The following FGGY variants were observed in gnomAD, a reference collection of about 807,000 sequenced individuals.
FGGY encodes the protein FGGY carbohydrate kinase domain containing, also known as FGGY carbohydrate kinase domain-containing protein.
In FGGY, 72 loss-of-function variants were observed where a neutral mutation model predicts 71.3. The ratio of observed to expected loss-of-function variants is 1.01; its 90% confidence interval spans 0.84 to 1.23. The LOEUF is 1.23. Ranked by LOEUF, FGGY falls within the 50% of genes most tolerant of loss-of-function variation. The pLI is 0.00. For missense variants in FGGY, 668 were observed against 682.3 expected, an observed-to-expected ratio of 0.98 and a Z score of 0.23; for synonymous variants, 251 against 250.3, an observed-to-expected ratio of 1.00 and a Z score of -0.02.
At position 59,623,688 on chromosome 1, in the gene FGGY, C is replaced by G. The variant is rs140328780; in HGVS notation, c.1012-2300C>G. On this transcript the variant is annotated intron_variant, in intron 9 of 15. Transcript: ENST00000303721. ...TCCAAACTCTACCTATTTATGGCCT[C>G]TCAGCTGAAGCTTCACCTACTCCAA... is the stretch of plus-strand genomic sequence containing the variant. Among the ~76,000 whole-genome samples the G allele has an allele frequency of 2.6e-4, 39 of 152,310 alleles. 1 individual carries two copies. The East Asian group carries it at 7.1e-3, about 28-fold the overall frequency.
chr1:59,441,620 T>C (rs963669203), intron 5 of FGGY, among the ~76,000 whole-genome samples: 3 of 152,198 alleles, frequency 2.0e-5, no homozygotes, highest in African/African-American at 2.4e-5. Context: ...CTGCTTTTTA[T>C]TGGGTATGTG....
intron 14 of FGGY, among the ~76,000 whole-genome samples, chr1:59,709,658 C>A (rs1032791718): frequency 6.6e-6 from 1 of 152,190 alleles, no homozygotes; most frequent in African/African-American, 2.4e-5. Flanking sequence ...TAGAGGCAAG[C>A]ACCTATCAGT....
chr1:59,530,297 G>T (rs765197277), intron 7 of FGGY, among the ~76,000 whole-genome samples: 1 of 152,164 alleles, frequency 6.6e-6, no homozygotes, highest in Non-Finnish European at 1.5e-5. Context: ...AAAATATGCT[G>T]TAATTTTAAT....
At chr1:59,698,524 C>T (rs11207506) in intron 14 of FGGY, among the ~76,000 whole-genome samples, 26,609 of 152,154 alleles carry the variant, frequency 0.17, 2,947 homozygotes, top group Admixed American at 0.31. Flanking sequence ...CATGGTTAAA[C>T]ATACCATTCA....
chr1:59,467,697 TA>T (rs764018239), intron 6 of FGGY, among the ~76,000 whole-genome samples: 4 of 152,026 alleles, frequency 2.6e-5, no homozygotes, highest in African/African-American at 7.2e-5. Flanking sequence ...GTACTGAAAT[TA>T]AAAAAATAAT....
chr1:59,317,045 A>C (rs1285659384), intron 1 of FGGY, among the ~76,000 whole-genome samples: 1 of 152,134 alleles, frequency 6.6e-6, no homozygotes, highest in African/African-American at 2.4e-5. Flanking sequence ...GTACCATGCA[A>C]CTTTAAACAG....
intron 8 of FGGY, among the ~76,000 whole-genome samples, chr1:59,573,133 A>C (rs909788264): frequency 1.3e-5 from 2 of 152,216 alleles, no homozygotes; most frequent in African/African-American, 4.8e-5. Flanking sequence ...AACTACAGGA[A>C]GATCAAAGGA....
intron 9 of FGGY, among the ~76,000 whole-genome samples, chr1:59,612,323 G>C (rs1310326018): frequency 6.6e-6 from 1 of 152,228 alleles, no homozygotes; most frequent in African/African-American, 2.4e-5. Flanking sequence ...CAAGCCAGAA[G>C]AGAGTGGGGG....
At chr1:59,662,824 A>G (rs2097289727) in intron 12 of FGGY, among the ~76,000 whole-genome samples, 1 of 152,234 alleles carries the variant, frequency 6.6e-6, no homozygotes, top group Admixed American at 6.5e-5. Flanking sequence ...TGATGTTTGC[A>G]TGACAAAATC....
intron 7 of FGGY, among the ~76,000 whole-genome samples, chr1:59,535,344 G>C (rs1158983778): frequency 2.6e-5 from 4 of 152,082 alleles, no homozygotes; most frequent in Non-Finnish European, 4.4e-5. Flanking sequence ...AGTCCTGAGT[G>C]ACCTACAAAG....
chr1:59,351,461 G>T (rs115942543), intron 4 of FGGY, among the ~76,000 whole-genome samples: 1 of 152,032 alleles, frequency 6.6e-6, no homozygotes, highest in East Asian at 1.9e-4. Flanking sequence ...TATATCTTTC[G>T]TAAATTGTAA....
chr1:59,614,631 GT>G (rs1261489893), intron 9 of FGGY, among the ~76,000 whole-genome samples: 1 of 152,126 alleles, frequency 6.6e-6, no homozygotes, highest in Non-Finnish European at 1.5e-5. Flanking sequence ...TCAACATAGT[GT>G]TGGAAGTTCT....
At position 59,622,023 on chromosome 1, in the gene FGGY, T is replaced by TCA. The variant is rs1376044562; in HGVS notation, c.1012-3965_1012-3964insCA. On this transcript the variant is annotated intron_variant, in intron 9 of 15. Coordinates refer to ENST00000303721, the MANE Select transcript of FGGY (RefSeq NM_018291.5). The stretch of plus-strand genomic sequence containing the variant: ...TTCTCATTCATATTCTCTCTCTCTC[T>TCA]TTCTCTCTCTCTAAGTCTCCCAGTC... Among the ~76,000 whole-genome samples the TCA allele has an allele frequency of 3.2e-4, 48 of 152,076 alleles. No individual in the cohort carries two copies. The East Asian group carries it at 8.3e-3, about 26-fold the overall frequency.
intron 14 of FGGY, among the ~76,000 whole-genome samples, chr1:59,703,724 C>T (rs760968941): frequency 1.3e-5 from 2 of 152,178 alleles, no homozygotes; most frequent in Non-Finnish European, 2.9e-5. Context: ...TCTTTAAAAG[C>T]AAGGAGCCAG....
At chr1:59,699,194 T>C in intron 14 of FGGY, 1 of 985,338 alleles carries the variant, frequency 1.0e-6, no homozygotes, top group Non-Finnish European at 1.2e-6. Context: ...GTGTAAATGT[T>C]AGGAGAAAGA....
intron 6 of FGGY, among the ~76,000 whole-genome samples, chr1:59,463,155 TA>T (rs2092372959): frequency 6.6e-6 from 1 of 152,122 alleles, no homozygotes; most frequent in African/African-American, 2.4e-5. Flanking sequence ...TATGCAGCCA[TA>T]AAAAATGATG....
chr1:59,499,111 C>T (rs2094137708), intron 6 of FGGY, among the ~76,000 whole-genome samples: 1 of 152,046 alleles, frequency 6.6e-6, no homozygotes, highest in Non-Finnish European at 1.5e-5. Flanking sequence ...TTTCTCAGCC[C>T]CCCAAATCTG....
intron 6 of FGGY, among the ~76,000 whole-genome samples, chr1:59,503,416 G>A (rs750577266): frequency 7.2e-4 from 109 of 151,814 alleles, no homozygotes; most frequent in Middle Eastern, 3.4e-3. Flanking sequence ...CCAGTTGCTT[G>A]TTGGACTTCT....
chr1:59,463,148 G>T (rs950001590), intron 6 of FGGY, among the ~76,000 whole-genome samples: 28 of 152,136 alleles, frequency 1.8e-4, no homozygotes, highest in Non-Finnish European at 3.5e-4. Context: ...GGAATACTAT[G>T]CAGCCATAAA....
Sources: allele counts gnomAD v4.1 joint callset (sites outside exome capture counted in the v4.1 genomes callset), GRCh38; gene constraint gnomAD v4.1.1; transcripts MANE v1.5; gene names NCBI Gene and HGNC (gene_info 2026-07-23, HGNC 2026-07-21).